Variants in AP3D1 observed in about 807,000 individuals in gnomAD.
The protein encoded by AP3D1 is adaptor related protein complex 3 subunit delta 1.
In AP3D1, 51 loss-of-function variants were observed where a neutral mutation model predicts 147.6. That is an observed-to-expected ratio of 0.35 (90% CI 0.28 to 0.44). The LOEUF is 0.44. Ranked by LOEUF, AP3D1 falls within the 20% of genes least tolerant of loss-of-function variation. The pLI is 1.00. For missense variants in AP3D1, 1,421 were observed against 1,624.2 expected, an observed-to-expected ratio of 0.87 and a Z score of 2.15; for synonymous variants, 760 against 663.0, an observed-to-expected ratio of 1.15 and a Z score of -2.25.
chr19:2,149,047 A>C (rs1482766403), intron 1 of AP3D1, among the ~76,000 whole-genome samples: 1 of 152,132 alleles, frequency 6.6e-6, no homozygotes, highest in East Asian at 1.9e-4. Flanking sequence ...GCTGCTCTCC[A>C]ATCAGGAGAC....
intron 3 of AP3D1, among the ~76,000 whole-genome samples, chr19:2,137,479 C>A (rs932353837): frequency 6.6e-6 from 1 of 152,040 alleles, no homozygotes; most frequent in Admixed American, 6.6e-5. Context: ...CCACGCCCCA[C>A]TAAATTTTGT....
intron 1 of AP3D1, among the ~76,000 whole-genome samples, chr19:2,148,958 C>A (rs1411075505): frequency 6.6e-6 from 1 of 151,852 alleles, no homozygotes; most frequent in Non-Finnish European, 1.5e-5. Flanking sequence ...CTACAACATA[C>A]GGTCTATAGG....
chr19:2,122,781 T>G (rs1464565647), intron 11 of AP3D1, among the ~76,000 whole-genome samples: 2 of 152,164 alleles, frequency 1.3e-5, no homozygotes, highest in Admixed American at 6.5e-5. Flanking sequence ...CACTCCACTA[T>G]CTGGGCTGTT....
intron 13 of AP3D1, 22 bp downstream of exon 13, chr19:2,121,141 C>T (rs757791188): frequency 3.7e-6 from 6 of 1,613,794 alleles, no homozygotes; most frequent in Non-Finnish European, 2.5e-6. Flanking sequence ...CCCCCGGCCA[C>T]ACCCCTGGGA....
At chr19:2,160,990 C>T (rs759706825) in intron 1 of AP3D1, among the ~76,000 whole-genome samples, 18 of 151,888 alleles carry the variant, frequency 1.2e-4, no homozygotes, top group Non-Finnish European at 2.4e-4. Context: ...ATTCCAAGAG[C>T]CCCCAAGAGA....
intron 8 of AP3D1, among the ~76,000 whole-genome samples, chr19:2,127,876 C>T (rs573382265): frequency 8.1e-4 from 123 of 152,332 alleles, no homozygotes; most frequent in African/African-American, 2.7e-3. Flanking sequence ...ACCATGGAGT[C>T]GCAGCTGCTT....
intron 1 of AP3D1, among the ~76,000 whole-genome samples, chr19:2,142,002 A>G (rs1370071975): frequency 2.0e-5 from 3 of 149,114 alleles, no homozygotes; most frequent in Admixed American, 6.7e-5. Context: ...ATTTATTTAC[A>G]TATATGTTTA....
chr19:2,109,358 C>T, intron 29 of AP3D1, 151 bp from the exon 30 acceptor site: 1 of 1,070,316 alleles, frequency 9.3e-7, no homozygotes, highest in Non-Finnish European at 1.3e-6. Context: ...GAAGGTGTGG[C>T]TCATTTTCAT....
intron 24 of AP3D1, 24 bp from the exon 25 acceptor site, chr19:2,111,852 T>A: frequency 6.2e-7 from 1 of 1,612,608 alleles, no homozygotes. Flanking sequence ...AGGGTCGGGT[T>A]CAGTGCCCAG....
chr19:2,153,936 C>G (rs577967218), upstream of AP3D1, among the ~76,000 whole-genome samples: 23 of 83,252 alleles, frequency 2.8e-4, no homozygotes, highest in South Asian at 6.8e-3. Flanking sequence ...TGCCACTGTG[C>G]CCAGCCTGAA....
intron 6 of AP3D1, 122 bp downstream of exon 6, chr19:2,130,286 T>C: frequency 6.9e-7 from 1 of 1,445,150 alleles, no homozygotes; most frequent in South Asian, 1.3e-5. Context: ...CCAACAGGCA[T>C]GTTCCTGGAC....
At chr19:2,158,602 C>T (rs995514760) in intron 1 of AP3D1, among the ~76,000 whole-genome samples, 5 of 151,748 alleles carry the variant, frequency 3.3e-5, no homozygotes, top group African/African-American at 1.2e-4. Context: ...GCCACCGATC[C>T]CAGCTCTTTT....
At chr19:2,118,894 T>G (rs1268952315) in intron 14 of AP3D1, 62 bp from the exon 15 acceptor site, 5 of 1,501,344 alleles carry the variant, frequency 3.3e-6, no homozygotes, top group Non-Finnish European at 4.5e-6. Flanking sequence ...CTCTAGCAGG[T>G]GAGGACCTAG....
At chr19:2,160,664 C>T (rs978014816) in intron 1 of AP3D1, among the ~76,000 whole-genome samples, 2 of 152,106 alleles carry the variant, frequency 1.3e-5, no homozygotes, top group Non-Finnish European at 2.9e-5. Flanking sequence ...TGTCTTAGCC[C>T]GGATAACCTG....
chr19:2,128,457 G>A (rs1163244829), intron 8 of AP3D1, among the ~76,000 whole-genome samples: 1 of 123,582 alleles, frequency 8.1e-6, no homozygotes, highest in Non-Finnish European at 1.7e-5. Flanking sequence ...GCACCCCGTG[G>A]AGCCGGCCCG....
At chr19:2,121,969 C>A in intron 11 of AP3D1, 90 bp from the exon 12 acceptor site, 3 of 1,444,016 alleles carry the variant, frequency 2.1e-6, no homozygotes, top group Non-Finnish European at 2.8e-6. Context: ...CGGGTCTCCA[C>A]CTCGGGAGGC....
intron 31 of AP3D1, among the ~76,000 whole-genome samples, chr19:2,103,484 CAGAGAGGGAG>C (rs1466050821): frequency 6.8e-6 from 1 of 147,982 alleles, no homozygotes; most frequent in Non-Finnish European, 1.5e-5. Context: ...CCAGAGCCCC[CAGAGAGGGAG>C]GTACGCGGGG....
rs1426584999 is a variant in AP3D1 at position 2,101,749 on chromosome 19, G to A, written c.*424C>T. 6.1e-6 allele frequency: 1 copy of A among 164,524 alleles called. No homozygotes were observed. Among genetic ancestry groups the A allele is most frequent in the Non-Finnish European group, 1.3e-5 (1 of 75,874 alleles). The allele number at this position is 164,524 out of a possible 1,614,324, so 10.2% of individuals were successfully genotyped here. On this transcript the variant is annotated 3_prime_UTR_variant, in exon 32 of 32. Coordinates refer to ENST00000643116, the MANE Select transcript of AP3D1 (RefSeq NM_001261826.3). ...TCCCCTCCCCCGGACGCAACCGTCA[G>A]GACCTTTGGGTCAAAAGCAGGCGAC...
chr19:2,120,329 G>A (rs1162238999), intron 14 of AP3D1, among the ~76,000 whole-genome samples: 1 of 152,160 alleles, frequency 6.6e-6, no homozygotes, highest in East Asian at 1.9e-4. Flanking sequence ...GACGGCAGGG[G>A]CAGTGTCGAT....
Sources: allele counts gnomAD v4.1 joint callset (sites outside exome capture counted in the v4.1 genomes callset), GRCh38; gene constraint gnomAD v4.1.1; transcripts MANE v1.5; gene names NCBI Gene and HGNC (gene_info 2026-07-23, HGNC 2026-07-21).